PRMT3: variants seen among roughly 807,000 people sequenced by gnomAD.
PRMT3 encodes the protein protein arginine methyltransferase 3.
In PRMT3, 62 loss-of-function variants were observed where a neutral mutation model predicts 71.9. That is an observed-to-expected ratio of 0.86 (90% CI 0.70 to 1.07). The LOEUF (loss-of-function observed/expected upper bound fraction) is 1.07, where lower values mean the gene tolerates loss of function less well. Among genes scored for constraint, PRMT3 ranks in the 50% least tolerant of loss-of-function variants. The pLI is 0.00. For missense variants in PRMT3, 663 were observed against 643.0 expected (o/e 1.03, Z -0.34); for synonymous variants, 213 against 220.4 (o/e 0.97, Z 0.30).
intron 9 of PRMT3, among the ~76,000 whole-genome samples, chr11:20,415,052 G>GTGTA (rs1223245570): frequency 1.3e-5 from 2 of 151,406 alleles, no homozygotes; most frequent in Non-Finnish European, 2.9e-5. Flanking sequence ...GTGTGTGTGT[G>GTGTA]TGTATTTTGG....
At chr11:20,443,559 T>A (rs183731008) in intron 10 of PRMT3, among the ~76,000 whole-genome samples, 4 of 152,210 alleles carry the variant, frequency 2.6e-5, no homozygotes, top group Non-Finnish European at 4.4e-5. Flanking sequence ...TTTTAATAAT[T>A]GTAATAGATA....
chr11:20,391,521 G>A (rs1033166280), intron 3 of PRMT3, among the ~76,000 whole-genome samples: 1 of 152,136 alleles, frequency 6.6e-6, no homozygotes, highest in African/African-American at 2.4e-5. Context: ...GGGGTTACAG[G>A]CATGAGCCAC....
At position 20,398,927 on chromosome 11, in the gene PRMT3, T is replaced by A. The variant is rs571986590; in HGVS notation, c.705+1206T>A. On this transcript the variant is annotated intron_variant, in intron 7 of 15. Transcript: ENST00000331079. ...ACATGTGACTGTATTTAAATCTGGCTGGTTTTAATTTTTATAACGGTAATA... is the reference window on the plus strand; with the variant it reads ...ACATGTGACTGTATTTAAATCTGGCAGGTTTTAATTTTTATAACGGTAATA... Among the ~76,000 whole-genome samples, 17 of 152,350 alleles carry A rather than the reference T, an allele frequency of 1.1e-4. No homozygotes were observed. The East Asian group carries it at 2.5e-3, about 22-fold the overall frequency.
chr11:20,438,255 G>A (rs1849806283), intron 10 of PRMT3, among the ~76,000 whole-genome samples: 1 of 152,156 alleles, frequency 6.6e-6, no homozygotes, highest in African/African-American at 2.4e-5. Context: ...GGGAAGCAGG[G>A]ATGTTCTGGA....
At chr11:20,425,524 A>G (rs767185299) in intron 9 of PRMT3, among the ~76,000 whole-genome samples, 31 of 152,356 alleles carry the variant, frequency 2.0e-4, no homozygotes, top group Admixed American at 1.2e-3. Flanking sequence ...TGTATAAACA[A>G]AATTGTGATT....
chr11:20,399,404 A>T (rs567543016), intron 7 of PRMT3, among the ~76,000 whole-genome samples: 1 of 152,256 alleles, frequency 6.6e-6, no homozygotes, highest in East Asian at 1.9e-4. Flanking sequence ...TTTTGTTGTC[A>T]CGTAGGTAAT....
chr11:20,434,361 CAGA>C (rs1159692750), intron 10 of PRMT3, among the ~76,000 whole-genome samples: 2 of 152,144 alleles, frequency 1.3e-5, no homozygotes, highest in Non-Finnish European at 2.9e-5. Flanking sequence ...TTTTGCTGTG[CAGA>C]AGCTCTTTAG....
At chr11:20,491,217 TTC>T (rs1851198485) in intron 13 of PRMT3, among the ~76,000 whole-genome samples, 1 of 152,192 alleles carries the variant, frequency 6.6e-6, no homozygotes, top group Non-Finnish European at 1.5e-5. Context: ...TGCTGAGAAT[TTC>T]TGTCTTTTGA....
intron 7 of PRMT3, among the ~76,000 whole-genome samples, chr11:20,400,892 G>A (rs1229769464): frequency 1.3e-5 from 2 of 151,424 alleles, no homozygotes; most frequent in South Asian, 2.1e-4. Flanking sequence ...GTATTGACGT[G>A]TTAGCCTTTG....
At chr11:20,455,937 C>G (rs1249410425) in intron 11 of PRMT3, among the ~76,000 whole-genome samples, 1 of 151,716 alleles carries the variant, frequency 6.6e-6, no homozygotes, top group African/African-American at 2.4e-5. Flanking sequence ...AAGTCAAATG[C>G]TAAAAATACT....
intron 13 of PRMT3, among the ~76,000 whole-genome samples, chr11:20,481,619 T>C (rs1850938986): frequency 6.6e-6 from 1 of 152,114 alleles, no homozygotes; most frequent in African/African-American, 2.4e-5. Flanking sequence ...CAAGGTAATT[T>C]TGAGATTTTT....
intron 4 of PRMT3, 24 bp from the exon 5 acceptor site, chr11:20,392,873 A>T: frequency 7.1e-7 from 1 of 1,415,288 alleles, no homozygotes. Context: ...AATGAAAAAA[A>T]CATGAGATTA....
intron 7 of PRMT3, among the ~76,000 whole-genome samples, 153 bp from the exon 8 acceptor site, chr11:20,402,766 T>C (rs1404664025): frequency 1.3e-5 from 2 of 152,222 alleles, no homozygotes; most frequent in African/African-American, 4.8e-5. Flanking sequence ...CTATTCTTTA[T>C]TGTTTTCTTA....
intron 13 of PRMT3, among the ~76,000 whole-genome samples, chr11:20,475,495 T>TA (rs1850758088): frequency 6.6e-6 from 1 of 152,172 alleles, no homozygotes; most frequent in Non-Finnish European, 1.5e-5. Flanking sequence ...CTTAGTATTA[T>TA]AATCTTATGT....
At chr11:20,482,674 T>C (rs1012040322) in intron 13 of PRMT3, among the ~76,000 whole-genome samples, 3 of 152,024 alleles carry the variant, frequency 2.0e-5, no homozygotes, top group African/African-American at 7.2e-5. Flanking sequence ...TCTTCCCAAG[T>C]TCAGGCTTAT....
intron 10 of PRMT3, among the ~76,000 whole-genome samples, chr11:20,435,102 C>T (rs989976864): frequency 9.2e-5 from 14 of 152,178 alleles, no homozygotes; most frequent in Non-Finnish European, 2.1e-4. Flanking sequence ...GAGATCATCT[C>T]CACAAAATCT....
chr11:20,459,096 C>T (rs1347510482), intron 11 of PRMT3, among the ~76,000 whole-genome samples: 1 of 152,038 alleles, frequency 6.6e-6, no homozygotes. Flanking sequence ...CCATAGACAA[C>T]ATGTAAACAA....
At chr11:20,467,029 T>C (rs1263096842) in intron 13 of PRMT3, among the ~76,000 whole-genome samples, 1 of 152,208 alleles carries the variant, frequency 6.6e-6, no homozygotes, top group East Asian at 1.9e-4. Flanking sequence ...GCCTAAGGTT[T>C]GCGAAGAAGG....
chr11:20,398,578 G>A (rs562397458), intron 7 of PRMT3, among the ~76,000 whole-genome samples: 2 of 152,212 alleles, frequency 1.3e-5, no homozygotes, highest in South Asian at 4.2e-4. Flanking sequence ...TCAGCCTACC[G>A]AGTAGCTGGG....
Sources: allele counts gnomAD v4.1 joint callset (sites outside exome capture counted in the v4.1 genomes callset), GRCh38; gene constraint gnomAD v4.1.1; transcripts MANE v1.5; gene names NCBI Gene and HGNC (gene_info 2026-07-23, HGNC 2026-07-21).